The following PDE4D variants were observed in gnomAD, a reference collection of about 807,000 sequenced individuals.
PDE4D encodes 3',5'-cyclic-AMP phosphodiesterase 4D.
In PDE4D, 24 loss-of-function variants were observed where a neutral mutation model predicts 87.4. That is an observed-to-expected ratio of 0.27 (90% CI 0.20 to 0.39). PDE4D has a LOEUF of 0.39. Among genes scored for constraint, PDE4D ranks in the 10% least tolerant of loss-of-function variants. PDE4D has a pLI of 1.00. For synonymous variants in PDE4D, 384 were observed against 383.2 expected, an observed-to-expected ratio of 1.00 and a Z score of -0.02; for missense variants, 714 against 1,041.0, an observed-to-expected ratio of 0.69 and a Z score of 4.32.
intron 1 of PDE4D, among the ~76,000 whole-genome samples, chr5:59,389,223 T>G (rs1361599485): frequency 6.6e-6 from 1 of 152,050 alleles, no homozygotes; most frequent in East Asian, 1.9e-4. Context: ...CCTTTTTCAT[T>G]AACAGTTTTA....
intron 2 of PDE4D, among the ~76,000 whole-genome samples, chr5:60,164,679 A>G (rs549972220): frequency 5.7e-4 from 87 of 152,200 alleles, no homozygotes; most frequent in Non-Finnish European, 1.0e-3. Flanking sequence ...GTCAAGGAAA[A>G]TGTGATGGAA....
intron 1 of PDE4D, among the ~76,000 whole-genome samples, chr5:59,734,578 GT>G (rs1307274444): frequency 6.6e-6 from 1 of 151,950 alleles, no homozygotes; most frequent in Non-Finnish European, 1.5e-5. Flanking sequence ...AGTAAAGTGG[GT>G]TTTTTTGGCC....
chr5:59,276,637 T>G (rs1005249969), intron 1 of PDE4D, among the ~76,000 whole-genome samples: 6 of 152,090 alleles, frequency 3.9e-5, no homozygotes, highest in African/African-American at 1.4e-4. Flanking sequence ...TTGAATGTAT[T>G]ATTCCTGGAC....
chr5:59,339,434 T>C (rs1045126495), intron 1 of PDE4D, among the ~76,000 whole-genome samples: 3 of 152,212 alleles, frequency 2.0e-5, no homozygotes, highest in African/African-American at 4.8e-5. Context: ...AAATGGCATA[T>C]AGATGCATGT....
intron 1 of PDE4D, among the ~76,000 whole-genome samples, chr5:59,584,455 A>C (rs1824757279): frequency 6.6e-6 from 1 of 152,234 alleles, no homozygotes; most frequent in African/African-American, 2.4e-5. Flanking sequence ...GCAGTGAAGC[A>C]GATGAAGGGT....
At chr5:60,264,575 G>C (rs951022709) in intron 1 of PDE4D, among the ~76,000 whole-genome samples, 3 of 152,232 alleles carry the variant, frequency 2.0e-5, no homozygotes, top group Non-Finnish European at 4.4e-5. Context: ...AAGTGGACTA[G>C]AATGTCTCAG....
intron 1 of PDE4D, among the ~76,000 whole-genome samples, chr5:59,551,139 T>G (rs976492991): frequency 2.6e-5 from 4 of 152,088 alleles, no homozygotes; most frequent in African/African-American, 9.7e-5. Flanking sequence ...TGTATACACA[T>G]CTATCAGACA....
At chr5:60,323,676 T>C (rs890239742) in intron 1 of PDE4D, among the ~76,000 whole-genome samples, 5 of 152,030 alleles carry the variant, frequency 3.3e-5, no homozygotes, top group Non-Finnish European at 7.3e-5. Context: ...TTCTTGGGAT[T>C]AAATATCCTT....
At chr5:59,757,211 G>A (rs907838086) in intron 1 of PDE4D, among the ~76,000 whole-genome samples, 2 of 152,162 alleles carry the variant, frequency 1.3e-5, no homozygotes, top group Non-Finnish European at 2.9e-5. Flanking sequence ...TTCAGTCTGA[G>A]AGCCCAAGGA....
intron 1 of PDE4D, among the ~76,000 whole-genome samples, chr5:60,334,578 T>C (rs10461373): frequency 0.098 from 14,943 of 152,002 alleles, 1,005 homozygotes; most frequent in South Asian, 0.29. Context: ...TGTCCTCTAA[T>C]TCCCCAGTTA....
rs553036834 is a variant in PDE4D, at chr5:59,378,039, T to G, written c.456-162071A>C. Among the ~76,000 whole-genome samples the G allele has an allele frequency of 5.3e-5, 8 of 152,024 alleles. No homozygotes were observed. The South Asian group carries it at 1.7e-3, about 32-fold the overall frequency. ...GACATAGAATTAACCTAAACGCCCA[T>G]CAATGATAGACTGGATAAAAAAAAA... On this transcript the variant is annotated intron_variant, in intron 1 of 14. Transcript: ENST00000340635.
At chr5:60,200,618 C>A (rs1741790037) in intron 1 of PDE4D, among the ~76,000 whole-genome samples, 1 of 152,122 alleles carries the variant, frequency 6.6e-6, no homozygotes, top group Non-Finnish European at 1.5e-5. Flanking sequence ...ACAGTCAATG[C>A]AAGTATGCCA....
At chr5:60,123,682 C>A (rs1778889413) in intron 2 of PDE4D, among the ~76,000 whole-genome samples, 1 of 151,826 alleles carries the variant, frequency 6.6e-6, no homozygotes, top group African/African-American at 2.4e-5. Context: ...TATGCAGTGA[C>A]CAGGGAAAGA....
chr5:60,134,775 C>T (rs1779891411), intron 2 of PDE4D, among the ~76,000 whole-genome samples: 1 of 152,098 alleles, frequency 6.6e-6, no homozygotes, highest in South Asian at 2.1e-4. Flanking sequence ...AAAAAAACAT[C>T]CGTAAATGTC....
intron 1 of PDE4D, among the ~76,000 whole-genome samples, chr5:59,803,576 G>C (rs530529621): frequency 6.6e-6 from 1 of 152,270 alleles, no homozygotes; most frequent in South Asian, 2.1e-4. Flanking sequence ...TGGGATTACA[G>C]GTGTGAGCCA....
chr5:59,429,163 A>G (rs1480431581), intron 1 of PDE4D, among the ~76,000 whole-genome samples: 2 of 152,156 alleles, frequency 1.3e-5, no homozygotes, highest in Non-Finnish European at 2.9e-5. Flanking sequence ...GGATTTTGCA[A>G]CTTGTATGGA....
intron 1 of PDE4D, among the ~76,000 whole-genome samples, chr5:59,550,723 A>C (rs1817980175): frequency 6.7e-6 from 1 of 148,518 alleles, no homozygotes; most frequent in Non-Finnish European, 1.5e-5. Flanking sequence ...TTTGAGACAG[A>C]GTCTCACTCT....
intron 1 of PDE4D, among the ~76,000 whole-genome samples, chr5:59,528,336 G>A (rs1040840506): frequency 6.6e-6 from 1 of 152,286 alleles, no homozygotes; most frequent in East Asian, 1.9e-4. Flanking sequence ...TAAGAGAATG[G>A]ATGACAGAAT....
At chr5:59,239,434 T>A (rs770700629) in intron 1 of PDE4D, among the ~76,000 whole-genome samples, 22 of 152,158 alleles carry the variant, frequency 1.4e-4, no homozygotes, top group Non-Finnish European at 2.8e-4. Context: ...GGTTGGTAGT[T>A]CACTGTCCAG....
Sources: allele counts gnomAD v4.1 joint callset (sites outside exome capture counted in the v4.1 genomes callset), GRCh38; gene constraint gnomAD v4.1.1; transcripts MANE v1.5; gene names NCBI Gene and HGNC (gene_info 2026-07-23, HGNC 2026-07-21).